The following FRAS1 variants were observed in gnomAD, a reference collection of about 807,000 sequenced individuals.
The protein encoded by FRAS1 is Fraser extracellular matrix complex subunit 1, also known as extracellular matrix organizing protein FRAS1.
In FRAS1, 290 loss-of-function variants were observed where a neutral mutation model predicts 435.2. The ratio of observed to expected loss-of-function variants is 0.67; its 90% confidence interval spans 0.61 to 0.73. The LOEUF (loss-of-function observed/expected upper bound fraction) is 0.73. FRAS1 is among the 30% of genes least tolerant of loss of function. FRAS1 has a pLI of 0.00. For synonymous variants in FRAS1, 1,800 were observed against 1,851.0 expected (o/e 0.97, Z 0.71); for missense variants, 4,860 against 5,001.5 (o/e 0.97, Z 0.85).
chr4:78,481,913 C>A lies in FRAS1; in HGVS notation c.8553C>A (p.Asp2851Glu). ...CAGCTTCTGCCACACCAGGAGTTGACTACGTTCCCAGCTCTCGGAAGGTGG... is the reference window on the plus strand; with the variant it reads ...CAGCTTCTGCCACACCAGGAGTTGAATACGTTCCCAGCTCTCGGAAGGTGG... The part of the protein sequence containing the change: ...SDPASATPGV[D>E]YVPSSRKVEF... Residue 2851 changes from aspartate to glutamate, a missense_variant, in exon 57 of 74, where the codon GAC becomes GAA. Physicochemically the swap from Asp to Glu is conservative, Grantham distance 45. Transcript: ENST00000512123. The A allele has an allele frequency of 6.2e-7, 1 of 1,613,920 alleles. No individual in the cohort carries two copies. The highest frequency in any genetic ancestry group is 1.7e-5 in the Admixed American group (1 of 60,024).
At chr4:78,463,110 A>T (rs1393845711) in intron 47 of FRAS1, among the ~76,000 whole-genome samples, 2 of 152,176 alleles carry the variant, frequency 1.3e-5, no homozygotes, top group African/African-American at 4.8e-5. Context: ...GGATTAAAAG[A>T]TGTCATTTTC....
intron 2 of FRAS1, among the ~76,000 whole-genome samples, chr4:78,152,372 A>G (rs1039096101): frequency 5.2e-4 from 79 of 151,704 alleles, no homozygotes; most frequent in African/African-American, 1.7e-3. Context: ...TATGGGGGTC[A>G]GGTTGAATTT....
At chr4:78,407,326 T>G (rs1228948658) in intron 30 of FRAS1, among the ~76,000 whole-genome samples, 1 of 152,234 alleles carries the variant, frequency 6.6e-6, no homozygotes, top group Non-Finnish European at 1.5e-5. Context: ...ATGAATCCAT[T>G]CAATGCCCAG....
At chr4:78,532,857 C>T (rs1020907658) in intron 70 of FRAS1, among the ~76,000 whole-genome samples, 7 of 152,066 alleles carry the variant, frequency 4.6e-5, no homozygotes, top group African/African-American at 1.4e-4. Flanking sequence ...TGTATATATA[C>T]ACCACATTTT....
At chr4:78,438,076 A>G (rs1056239534) in intron 38 of FRAS1, among the ~76,000 whole-genome samples, 1 of 150,526 alleles carries the variant, frequency 6.6e-6, no homozygotes. Flanking sequence ...GCCATTGGCT[A>G]AGCTAAATAA....
In FRAS1 at chr4:78,493,829, C is replaced by T. The variant is rs1259760632; in HGVS notation, c.8959-2976C>T. Among the ~76,000 whole-genome samples the T allele has an allele frequency of 2.6e-5, 4 of 151,826 alleles. No individual in the cohort carries two copies. In the East Asian group the frequency reaches 5.8e-4, roughly 22 times the overall value. ...ATAATAATAAAAAAAAGAAACTCAC[C>T]ACTAAACATGGCTGCACCAGAATTA... is the stretch of plus-strand genomic sequence containing the variant. On this transcript the variant is annotated intron_variant, in intron 59 of 73. Transcript: ENST00000512123.
rs745642882 is a variant in FRAS1, at chr4:78,496,914, T to C, written c.9068T>C (p.Ile3023Thr). The change falls in exon 60 of 74, where the codon ATT (isoleucine) becomes ACT (threonine). Residue 3023 changes from isoleucine to threonine, a missense_variant. Physicochemically the swap from Ile to Thr is moderately conservative, Grantham distance 89. Transcript: ENST00000512123. The stretch of plus-strand genomic sequence containing the variant: ...GGAAACCACTGGAGTGGAGCTAGAA[T>C]TGGAAAGAATAACATGGCCACCATC... ...PLGNHWSGARIGKNNMATITI... is the reference protein window; with the variant it reads ...PLGNHWSGARTGKNNMATITI... 2.5e-6 allele frequency: 4 copies of C among 1,613,462 alleles called. No individual in the cohort carries two copies. The highest frequency in any genetic ancestry group is 1.7e-6 in the Non-Finnish European group (2 of 1,179,674).
At chr4:78,299,455 C>A (rs1728288973) in intron 14 of FRAS1, among the ~76,000 whole-genome samples, 1 of 152,174 alleles carries the variant, frequency 6.6e-6, no homozygotes, top group Non-Finnish European at 1.5e-5. Flanking sequence ...GGGGATGAAA[C>A]TCGGGGTGAC....
At chr4:78,385,333 T>C (rs1357440364) in intron 28 of FRAS1, among the ~76,000 whole-genome samples, 12 of 152,202 alleles carry the variant, frequency 7.9e-5, no homozygotes, top group Non-Finnish European at 1.6e-4. Context: ...CAGTATCATG[T>C]TATTCATGAT....
chr4:78,464,327 TA>T (rs1719457556), intron 48 of FRAS1, 115 bp from the exon 49 acceptor site: 3 of 1,465,092 alleles, frequency 2.0e-6, no homozygotes, highest in Non-Finnish European at 2.8e-6. Flanking sequence ...CTGGGGCTCC[TA>T]ATTATTGACT....
chr4:78,203,759 G>C (rs534000192), intron 2 of FRAS1, among the ~76,000 whole-genome samples: 17 of 152,070 alleles, frequency 1.1e-4, no homozygotes, highest in Non-Finnish European at 1.8e-4. Flanking sequence ...GTAGAAACAG[G>C]GTTTCACAAT....
intron 6 of FRAS1, among the ~76,000 whole-genome samples, chr4:78,257,725 A>G (rs1213661394): frequency 6.6e-6 from 1 of 152,174 alleles, no homozygotes; most frequent in Non-Finnish European, 1.5e-5. Flanking sequence ...GAAAATGTAG[A>G]TATGTTTGTT....
intron 58 of FRAS1, among the ~76,000 whole-genome samples, chr4:78,482,934 G>A (rs1039803572): frequency 6.6e-5 from 10 of 152,208 alleles, no homozygotes; most frequent in African/African-American, 2.4e-4. Flanking sequence ...TCACCAAGGA[G>A]ATTATATTTA....
chr4:78,259,764 A>T (rs953014955), intron 6 of FRAS1, among the ~76,000 whole-genome samples: 6 of 147,462 alleles, frequency 4.1e-5, no homozygotes, highest in African/African-American at 1.5e-4. Context: ...TTAGTGTTTT[A>T]GACATGAAGT....
At chr4:78,526,052 T>C (rs916199793) in intron 69 of FRAS1, among the ~76,000 whole-genome samples, 21 of 152,184 alleles carry the variant, frequency 1.4e-4, no homozygotes, top group Admixed American at 1.4e-3. Flanking sequence ...TGGAGTGGTG[T>C]CCTGGAATCC....
At chr4:78,214,808 A>G (rs1578188948) in intron 2 of FRAS1, among the ~76,000 whole-genome samples, 1 of 152,206 alleles carries the variant, frequency 6.6e-6, no homozygotes. Flanking sequence ...ACAGAACATT[A>G]CTAGCCAGTC....
chr4:78,468,766 C>G (rs1396547829), intron 50 of FRAS1, among the ~76,000 whole-genome samples: 1 of 152,156 alleles, frequency 6.6e-6, no homozygotes, highest in Non-Finnish European at 1.5e-5. Flanking sequence ...CTGGGGGCAC[C>G]CCTACATCTG....
At chr4:78,397,493 T>G (rs1732717380) in intron 29 of FRAS1, among the ~76,000 whole-genome samples, 1 of 152,152 alleles carries the variant, frequency 6.6e-6, no homozygotes, top group Admixed American at 6.5e-5. Context: ...CTGAATGTAC[T>G]CTCTTCAGGG....
At chr4:78,275,618 T>C (rs1726971092) in intron 9 of FRAS1, among the ~76,000 whole-genome samples, 2 of 152,202 alleles carry the variant, frequency 1.3e-5, no homozygotes, top group Non-Finnish European at 2.9e-5. Context: ...AGAATTCTTT[T>C]CTTTAAGAAT....
Sources: allele counts gnomAD v4.1 joint callset (sites outside exome capture counted in the v4.1 genomes callset), GRCh38; gene constraint gnomAD v4.1.1; transcripts MANE v1.5; gene names NCBI Gene and HGNC (gene_info 2026-07-23, HGNC 2026-07-21).